Variants in ADAMTS9 observed in about 807,000 individuals in gnomAD.
ADAMTS9 encodes A disintegrin and metalloproteinase with thrombospondin motifs 9.
A neutral mutation model predicts 257.1 loss-of-function variants in ADAMTS9; 107 were observed. The observed-to-expected ratio is 0.42, with a 90% confidence interval of 0.36 to 0.49. The LOEUF (loss-of-function observed/expected upper bound fraction) is 0.49. Ranked by LOEUF, ADAMTS9 falls within the 20% of genes least tolerant of loss-of-function variation. ADAMTS9 has a pLI of 0.03. For missense variants in ADAMTS9, 2,353 were observed against 2,469.1 expected (o/e 0.95, Z 1.00); for synonymous variants, 982 against 880.9 (o/e 1.11, Z -2.03).
At chr3:64,657,460 C>T (rs981295861) in intron 4 of ADAMTS9, among the ~76,000 whole-genome samples, 11 of 151,906 alleles carry the variant, frequency 7.2e-5, no homozygotes, top group Non-Finnish European at 1.2e-4. Flanking sequence ...CCTCAGCTCC[C>T]GAGCACCTGA....
intron 28 of ADAMTS9, among the ~76,000 whole-genome samples, chr3:64,575,161 C>T (rs62247580): frequency 4.1e-4 from 62 of 152,260 alleles, no homozygotes; most frequent in South Asian, 1.9e-3. Context: ...GCTCTTTACA[C>T]GGTCAAGAAG....
chr3:64,526,034 A>C (rs1189405053), intron 38 of ADAMTS9, among the ~76,000 whole-genome samples: 2 of 147,304 alleles, frequency 1.4e-5, no homozygotes, highest in African/African-American at 4.9e-5. Context: ...ATATAGTATA[A>C]TGTATTATAA....
At chr3:64,626,618 C>A (rs1261398318) in intron 16 of ADAMTS9, among the ~76,000 whole-genome samples, 1 of 152,122 alleles carries the variant, frequency 6.6e-6, no homozygotes, top group Non-Finnish European at 1.5e-5. Flanking sequence ...AATGGGTACT[C>A]TAAAAGCTCA....
At chr3:64,549,073 T>C (rs550215127) in intron 31 of ADAMTS9, among the ~76,000 whole-genome samples, 1 of 152,280 alleles carries the variant, frequency 6.6e-6, no homozygotes, top group East Asian at 1.9e-4. Flanking sequence ...AGGCATGTCT[T>C]CTTTTCTAGA....
intron 22 of ADAMTS9, 28 bp downstream of exon 22, chr3:64,613,317 C>G: frequency 6.2e-7 from 1 of 1,606,884 alleles, no homozygotes; most frequent in Non-Finnish European, 8.5e-7. Flanking sequence ...AAGAATGTAG[C>G]AGTTAAGAAT....
intron 28 of ADAMTS9, among the ~76,000 whole-genome samples, chr3:64,571,504 G>GTAGCTTC (rs2083684147): frequency 6.6e-6 from 1 of 152,186 alleles, no homozygotes; most frequent in African/African-American, 2.4e-5. Flanking sequence ...GATGAATGAA[G>GTAGCTTC]TAGCTTCTAA....
chr3:64,566,444 C>A (rs1298608568), intron 29 of ADAMTS9, among the ~76,000 whole-genome samples: 1 of 152,146 alleles, frequency 6.6e-6, no homozygotes, highest in Non-Finnish European at 1.5e-5. Context: ...GGTGACTTGA[C>A]TTTTCCGAGC....
At chr3:64,649,902 C>T in intron 9 of ADAMTS9, 124 bp from the exon 10 acceptor site, 4 of 1,185,204 alleles carry the variant, frequency 3.4e-6, no homozygotes, top group Non-Finnish European at 4.6e-6. Flanking sequence ...TTAACATGTG[C>T]TTTATTCTTT....
At chr3:64,555,979 C>T (rs147881492) in intron 30 of ADAMTS9, among the ~76,000 whole-genome samples, 145 of 152,274 alleles carry the variant, frequency 9.5e-4, no homozygotes, top group African/African-American at 3.3e-3. Context: ...ATAAAGAGTT[C>T]GTATCTGGCT....
Position 64,686,889 on chromosome 3 carries a change from C to A in ADAMTS9, c.195G>T (p.Thr65=). The A allele has an allele frequency of 1.2e-6, 2 of 1,614,102 alleles. No individual in the cohort carries two copies. Among genetic ancestry groups the A allele is most frequent in the Non-Finnish European group, 1.7e-6 (2 of 1,180,018 alleles). The change falls in exon 2 of 40, where the codon ACG becomes ACT. Residue 65 remains threonine, a synonymous_variant. Transcript: ENST00000498707. This position sits in a 1 kb window ranked among gnomAD's most constrained non-coding sequence, Gnocchi z 4.6. ...RVNALGEPFP[T]NVHFKRTRRS... is the part of the protein sequence containing the mutation. ...GTCGCGTTCTTTTGAAGTGGACGTT[C>A]GTGGGAAAGGGTTCTCCGAGAGCGT...
At chr3:64,556,200 C>T (rs377107107) in intron 30 of ADAMTS9, among the ~76,000 whole-genome samples, 2 of 152,170 alleles carry the variant, frequency 1.3e-5, no homozygotes, top group African/African-American at 4.8e-5. Context: ...CAAACAGCAG[C>T]GAGGTGAGCA....
chr3:64,621,537 G>A (rs1048354650), intron 18 of ADAMTS9, among the ~76,000 whole-genome samples: 8 of 152,034 alleles, frequency 5.3e-5, no homozygotes, highest in Non-Finnish European at 1.2e-4. Flanking sequence ...TGAGGTGGGC[G>A]GATCATCTGA....
chr3:64,653,479 A>T lies in ADAMTS9; in HGVS notation c.1316+874T>A, dbSNP rs568620960. On this transcript the variant is annotated intron_variant, in intron 8 of 39. Transcript: ENST00000498707. ...TGTTATATATTGAGCTAAATTGGAG[A>T]CACCTGTGTATATGCATCTCCCTCT... 5.3e-5 allele frequency among the ~76,000 whole-genome samples: 8 copies of T among 152,274 alleles called. 1 individual carries two copies. The East Asian group carries it at 1.5e-3, about 29-fold the overall frequency.
At chr3:64,603,838 C>A in intron 25 of ADAMTS9, 84 bp downstream of exon 25, 3 of 1,438,048 alleles carry the variant, frequency 2.1e-6, no homozygotes, top group Non-Finnish European at 2.9e-6. Flanking sequence ...TTGACATTTC[C>A]AAGTGGCGCC....
At chr3:64,546,659 G>T in intron 32 of ADAMTS9, 99 bp downstream of exon 32, 2 of 1,286,998 alleles carry the variant, frequency 1.6e-6, no homozygotes, top group Non-Finnish European at 1.1e-6. Flanking sequence ...GTTTCTCCTG[G>T]AAGTAGAGTT....
rs370160731 is a variant in ADAMTS9 at position 64,568,408 on chromosome 3, C to T, written c.4484G>A (p.Gly1495Glu). The stretch of plus-strand genomic sequence containing the variant: ...AGCTTTCCATTTGGGGCATCTTCCT[C>T]CTCGGCACTTTCTGTGCCCATGTGG... The part of the protein sequence containing the change: ...AKPHGHRKCR[G>E]GRCPKWKAGA... Residue 1495 changes from glycine (G) to glutamate (E), a missense_variant, in exon 29 of 40, where the codon GGA becomes GAA. Around this residue, in one of 3 missense-constraint regions of ADAMTS9, gnomAD observed 1,402 missense variants for 1,441.4 expected, o/e 0.97. Coordinates refer to ENST00000498707, the MANE Select transcript of ADAMTS9 (RefSeq NM_182920.2). The T allele has an allele frequency of 1.2e-6, 2 of 1,612,766 alleles. No homozygotes were observed. The highest frequency in any genetic ancestry group is 2.7e-5 in the African/African-American group (2 of 74,798).
At chr3:64,575,466 A>G (rs2083816413) in intron 28 of ADAMTS9, among the ~76,000 whole-genome samples, 1 of 152,098 alleles carries the variant, frequency 6.6e-6, no homozygotes. Context: ...ACACACTCTG[A>G]TTCTTTCTCA....
intron 22 of ADAMTS9, among the ~76,000 whole-genome samples, chr3:64,610,911 C>G (rs1343250339): frequency 2.6e-5 from 4 of 151,498 alleles, no homozygotes; most frequent in African/African-American, 9.7e-5. Context: ...CCCGTCTCTA[C>G]TAAAAATACA....
Position 64,593,961 on chromosome 3 carries a change from A to ATGTGTGTG in ADAMTS9, c.4356+289_4356+296dup, listed in dbSNP as rs200112357. On this transcript the variant is annotated intron_variant, in intron 28 of 39. Coordinates refer to ENST00000498707, the MANE Select transcript of ADAMTS9 (RefSeq NM_182920.2). ...ATCACTATGTATGTGTGTGTGTATGATGTGTGTGTGTGTGTGTGTGTGTGT... is the reference window on the plus strand; with the variant it reads ...ATCACTATGTATGTGTGTGTGTATGATGTGTGTGTGTGTGTGTGTGTGTGTGTGTGTGT... Among the ~76,000 whole-genome samples, 500 of 108,284 alleles carry ATGTGTGTG rather than the reference A, an allele frequency of 4.6e-3. 1 individual carries two copies. Among genetic ancestry groups the ATGTGTGTG allele is most frequent in the African/African-American group, 7.6e-3 (122 of 15,988 alleles). 71.0% of individuals were successfully genotyped at this position (108,284 alleles called of 152,430 possible). A position where few individuals can be genotyped will look rare whatever the true frequency, so the allele number is the denominator to read the frequency against.
Sources: gnomAD v4.1 joint callset for allele counts (sites outside exome capture counted in the v4.1 genomes callset) on GRCh38, gnomAD v4.1.1 for gene constraint, gnomAD v4.1.1 regional missense constraint, Gnocchi (gnomAD v3.1) non-coding constraint, MANE v1.5 for transcripts, NCBI Gene and HGNC (gene_info 2026-07-23, HGNC 2026-07-21) for gene names.